Variants in TNC observed in about 807,000 individuals in gnomAD.
The protein encoded by TNC is tenascin C, also known as tenascin.
Under a neutral mutation model 202.4 loss-of-function variants are expected in TNC, and 109 were observed. The ratio of observed to expected loss-of-function variants is 0.54; its 90% CI spans 0.46 to 0.63. The LOEUF (loss-of-function observed/expected upper bound fraction) is 0.63, where lower values mean the gene tolerates loss of function less well. TNC is among the 30% of genes least tolerant of loss of function. The pLI is 0.00. For synonymous variants in TNC, 1,007 were observed against 1,089.7 expected (o/e 0.92, Z 1.50); for missense variants, 2,756 against 2,833.3 (o/e 0.97, Z 0.62).
chr9:115,041,035 C>A lies in TNC; in HGVS notation c.5298G>T (p.Leu1766=), dbSNP rs1438294640. 3 of 1,614,124 alleles carry A rather than the reference C, an allele frequency of 1.9e-6. No individual in the cohort carries two copies. The highest frequency in any genetic ancestry group is 2.5e-6 in the Non-Finnish European group (3 of 1,180,016). Reference sequence around the variant, plus strand: ...ACTCCACGCCAGGTATGAGTTTCACCAGCCTGGTCTGAGTCTTGGTTCCGT... The same window carrying A: ...ACTCCACGCCAGGTATGAGTTTCACAAGCCTGGTCTGAGTCTTGGTTCCGT... ...TVDGTKTQTR[L]VKLIPGVEYL... Residue 1766 remains leucine, a synonymous_variant, in exon 19 of 28, where the codon CTG becomes CTT. Transcript: ENST00000350763.
chr9:115,025,312 C>T (rs1238831751), intron 26 of TNC, among the ~76,000 whole-genome samples: 1 of 152,198 alleles, frequency 6.6e-6, no homozygotes, highest in African/African-American at 2.4e-5. Flanking sequence ...GCAATGTTTG[C>T]CCCTGGGTGT....
intron 1 of TNC, among the ~76,000 whole-genome samples, chr9:115,091,524 A>G (rs2045807869): frequency 6.6e-6 from 1 of 152,218 alleles, no homozygotes; most frequent in Non-Finnish European, 1.5e-5. Flanking sequence ...GTTGCTAATG[A>G]CAGGGTTAAA....
At position 115,026,552 on chromosome 9, in the gene TNC, C is replaced by T; in HGVS notation, c.6313G>A (p.Gly2105Arg). 1 of 1,614,064 alleles carries T rather than the reference C, an allele frequency of 6.2e-7. No homozygotes were observed. The highest frequency in any genetic ancestry group is 8.5e-7 in the Non-Finnish European group (1 of 1,179,986). Reference protein sequence around the residue: ...AKTRYKLKVEGYSGTAGDSMA... With the variant: ...AKTRYKLKVERYSGTAGDSMA... The stretch of plus-strand genomic sequence containing the variant: ...ACTGTACCTGCTGTCCCACTGTACC[C>T]CTCCACCTTCAGCTTGTAGCGAGTC... Residue 2105 changes from glycine to arginine, a missense_variant, in exon 26 of 28, where the codon GGG (glycine) becomes AGG (arginine). Gly to Arg is a moderately radical substitution (Grantham distance 125, BLOSUM62 -2). Around this residue, in one of 2 missense-constraint regions of TNC, gnomAD observed 197 missense variants for 287.3 expected, o/e 0.69. Coordinates refer to ENST00000350763, the MANE Select transcript of TNC (RefSeq NM_002160.4).
At chr9:115,066,118 G>A (rs1292677693) in intron 10 of TNC, among the ~76,000 whole-genome samples, 1 of 152,020 alleles carries the variant, frequency 6.6e-6, no homozygotes, top group Non-Finnish European at 1.5e-5. Context: ...TTCCTTAATA[G>A]AAAAAAGAAA....
chr9:115,079,611 A>T (rs1834146621), intron 6 of TNC, among the ~76,000 whole-genome samples: 1 of 152,198 alleles, frequency 6.6e-6, no homozygotes, highest in African/African-American at 2.4e-5. Context: ...CTCTGTATTT[A>T]TCAGGTGCAA....
chr9:115,086,241 C>T lies in TNC; in HGVS notation c.1490G>A (p.Arg497Gln), dbSNP rs141350318. The change falls in exon 3 of 28, where the codon CGG becomes CAG. Residue 497 changes from arginine to glutamine, a missense_variant. Coordinates refer to ENST00000350763, the MANE Select transcript of TNC (RefSeq NM_002160.4). ...CDDGYTGEDCRDRQCPRDCSN... is the reference protein window; with the variant it reads ...CDDGYTGEDCQDRQCPRDCSN... ...GCAGTCCCTGGGGCATTGGCGATCC[C>T]GGCAGTCTTCCCCTGTGTAGCCGTC... 2.5e-5 allele frequency: 41 copies of T among 1,614,198 alleles called. No homozygotes were observed. Among genetic ancestry groups the T allele is most frequent in the African/African-American group, 1.1e-4 (8 of 75,074 alleles).
At position 115,086,000 on chromosome 9, in the gene TNC, C is replaced by A; in HGVS notation, c.1731G>T (p.Gln577His). 6.2e-7 allele frequency: 1 copy of A among 1,613,968 alleles called. No homozygotes were observed. Among genetic ancestry groups the A allele is most frequent in the Non-Finnish European group, 8.5e-7 (1 of 1,179,940 alleles). The change falls in exon 3 of 28, where the codon CAG becomes CAT. Residue 577 changes from glutamine to histidine, a missense_variant. By Grantham distance (24) the Gln-to-His change is conservative. This residue lies in a region of TNC where 2,559 missense variants were observed against 2,546.0 expected (regional missense o/e 1.01). Coordinates refer to ENST00000350763, the MANE Select transcript of TNC (RefSeq NM_002160.4). ...CHGQGRCVDGQCICHEGFTGL... is the reference protein window; with the variant it reads ...CHGQGRCVDGHCICHEGFTGL... ...CTGTGAAGCCCTCGTGGCAGATGCA[C>A]TGGCCGTCCACGCAGCGGCCCTGGC... is the stretch of plus-strand genomic sequence containing the variant.
chr9:115,020,529 C>T lies in TNC; in HGVS notation c.*628G>A. The T allele has an allele frequency of 4.4e-6, 1 of 225,190 alleles. No individual in the cohort carries two copies. Among genetic ancestry groups the T allele is most frequent in the Non-Finnish European group, 8.9e-6 (1 of 112,584 alleles). 13.9% of individuals were successfully genotyped at this position (225,190 alleles called of 1,614,324 possible). A position where few individuals can be genotyped will look rare whatever the true frequency, so the allele number is the denominator to read the frequency against. ...GACTCAACAATTCAAAGCAAAATAA[C>T]AAACTCAAAAGTACTTGTGCTTTTA... On this transcript the variant is annotated 3_prime_UTR_variant, in exon 28 of 28. Coordinates refer to ENST00000350763, the MANE Select transcript of TNC (RefSeq NM_002160.4).
intron 10 of TNC, among the ~76,000 whole-genome samples, chr9:115,070,298 C>G (rs1320532395): frequency 6.6e-6 from 1 of 152,156 alleles, no homozygotes; most frequent in Admixed American, 6.5e-5. Flanking sequence ...AATGAGGGAG[C>G]ACGCTCTGTG....
intron 1 of TNC, among the ~76,000 whole-genome samples, chr9:115,114,630 G>T (rs1346228241): frequency 6.6e-6 from 1 of 152,188 alleles, no homozygotes; most frequent in Non-Finnish European, 1.5e-5. Flanking sequence ...CCAGCTGGGG[G>T]CTTCTCCACC....
At position 115,046,491 on chromosome 9, in the gene TNC, C is replaced by T. The variant is rs751948493; in HGVS notation, c.5044G>A (p.Glu1682Lys). 3.7e-6 allele frequency: 6 copies of T among 1,614,198 alleles called. No homozygotes were observed. Among genetic ancestry groups the T allele is most frequent in the Non-Finnish European group, 5.1e-6 (6 of 1,180,014 alleles). Residue 1682 changes from glutamate (E) to lysine (K), a missense_variant, in exon 17 of 28, where the codon GAG becomes AAG. Physicochemically the swap from Glu to Lys is moderately conservative, Grantham distance 56 (BLOSUM62 1). Transcript: ENST00000350763. Reference protein sequence around the residue: ...ERTRDITGLREATEYEIELYG... With the variant: ...ERTRDITGLRKATEYEIELYG... The stretch of plus-strand genomic sequence containing the variant: ...AGTTCAATTTCGTATTCAGTAGCCT[C>T]TCTGAGACCTGTTATGTCCCTGGTA...
At chr9:115,106,205 C>A (rs1050623757) in intron 1 of TNC, among the ~76,000 whole-genome samples, 1 of 152,092 alleles carries the variant, frequency 6.6e-6, no homozygotes, top group African/African-American at 2.4e-5. Context: ...AATCATGTTA[C>A]CAACTCTGGG....
intron 5 of TNC, 129 bp from the exon 6 acceptor site, chr9:115,082,057 A>T: frequency 1.2e-6 from 1 of 831,940 alleles, no homozygotes; most frequent in Non-Finnish European, 1.8e-6. Flanking sequence ...CTTACTATGC[A>T]TCAGATCAGT....
chr9:115,029,019 C>A (rs1346656853), intron 25 of TNC, among the ~76,000 whole-genome samples: 1 of 105,126 alleles, frequency 9.5e-6, no homozygotes, highest in Non-Finnish European at 1.8e-5. Context: ...CACTAAAACT[C>A]TTAATATTAT....
In TNC at chr9:115,090,715, G is replaced by C; in HGVS notation, c.304C>G (p.His102Asp). 6.2e-7 allele frequency: 1 copy of C among 1,614,224 alleles called. No individual in the cohort carries two copies. Among genetic ancestry groups the C allele is most frequent in the Non-Finnish European group, 8.5e-7 (1 of 1,180,034 alleles). The change falls in exon 2 of 28, where the codon CAT becomes GAT. Residue 102 changes from histidine (H) to aspartate (D), a missense_variant. Physicochemically the swap from His to Asp is moderately conservative, Grantham distance 81 (BLOSUM62 -1). Around this residue, in one of 2 missense-constraint regions of TNC, gnomAD observed 2,559 missense variants for 2,546.0 expected, o/e 1.01. Transcript: ENST00000350763. ...VDGENQIVFT[H>D]RINIPRRACG... ...GCCCGGCGGGGGATGTTGATGCGAT[G>C]TGTGAAGACAATCTGGTTTTCCCCA...
chr9:115,078,804 T>G (rs1463035234), intron 6 of TNC, among the ~76,000 whole-genome samples: 2 of 152,196 alleles, frequency 1.3e-5, no homozygotes, highest in African/African-American at 4.8e-5. Flanking sequence ...CTGCCCCACC[T>G]ACTCTGGTGT....
chr9:115,041,228 C>G, intron 18 of TNC, 144 bp from the exon 19 acceptor site: 1 of 969,448 alleles, frequency 1.0e-6, no homozygotes. Context: ...TTTGCTCCTA[C>G]CCTCTGGCAT....
chr9:115,084,410 C>A lies in TNC; in HGVS notation c.1930G>T (p.Asp644Tyr). 1.2e-6 allele frequency: 2 copies of A among 1,614,198 alleles called. No individual in the cohort carries two copies. Among genetic ancestry groups the A allele is most frequent in the Non-Finnish European group, 1.7e-6 (2 of 1,180,038 alleles). The change falls in exon 4 of 28, where the codon GAC (aspartate) becomes TAC (tyrosine). Residue 644 changes from aspartate (D) to tyrosine (Y), a missense_variant. Physicochemically the swap from Asp to Tyr is radical, Grantham distance 160. Coordinates refer to ENST00000350763, the MANE Select transcript of TNC (RefSeq NM_002160.4). Reference sequence around the variant, plus strand: ...TACTCTGTGACCCGCATCTCATTGTCCCAGGCCAGGTTGACCGTCTCTTCC... The same window carrying A: ...TACTCTGTGACCCGCATCTCATTGTACCAGGCCAGGTTGACCGTCTCTTCC... ...VTEETVNLAW[D>Y]NEMRVTEYLV...
chr9:115,039,300 G>A (rs1830563118), intron 19 of TNC, among the ~76,000 whole-genome samples: 1 of 152,210 alleles, frequency 6.6e-6, no homozygotes, highest in African/African-American at 2.4e-5. Flanking sequence ...TTCTTCAGCT[G>A]CCAAAGGGTG....
Sources: allele counts gnomAD v4.1 joint callset (sites outside exome capture counted in the v4.1 genomes callset), GRCh38; gene constraint gnomAD v4.1.1; regional missense constraint gnomAD v4.1.1; transcripts MANE v1.5; gene names NCBI Gene and HGNC (gene_info 2026-07-23, HGNC 2026-07-21).